The following SLC25A12 variants were observed in gnomAD, a reference collection of about 807,000 sequenced individuals.
The protein encoded by SLC25A12 is solute carrier family 25 member 12.
SLC25A12 carries 32 observed loss-of-function variants against 83.3 expected under a neutral mutation model. The observed-to-expected ratio is 0.38, with a 90% CI of 0.29 to 0.52. The LOEUF is 0.52. Among genes scored for constraint, SLC25A12 ranks in the 20% least tolerant of loss-of-function variants. The pLI is 0.84. For missense variants in SLC25A12, 611 were observed against 835.6 expected (o/e 0.73, Z 3.31); for synonymous variants, 267 against 291.1 (o/e 0.92, Z 0.84).
intron 3 of SLC25A12, among the ~76,000 whole-genome samples, chr2:171,861,375 G>A (rs1422373841): frequency 1.3e-5 from 2 of 151,856 alleles, no homozygotes; most frequent in Non-Finnish European, 2.9e-5. Flanking sequence ...AGTCTGCAAT[G>A]CTAACATAAA....
At chr2:171,820,860 A>AC (rs2105872339) in intron 9 of SLC25A12, among the ~76,000 whole-genome samples, 1 of 151,974 alleles carries the variant, frequency 6.6e-6, no homozygotes, top group African/African-American at 2.4e-5. Context: ...TCTTTCTGCA[A>AC]CCCACCTCCT....
intron 2 of SLC25A12, among the ~76,000 whole-genome samples, chr2:171,873,945 G>A (rs899262497): frequency 6.6e-6 from 1 of 152,112 alleles, no homozygotes; most frequent in Non-Finnish European, 1.5e-5. Flanking sequence ...TCGAATCCTG[G>A]CCAGGCGCGG....
intron 15 of SLC25A12, chr2:171,788,446 C>T (rs1690530883): frequency 5.9e-6 from 1 of 170,542 alleles, no homozygotes. Context: ...GTTTGAAGGG[C>T]TACCTTGAGA....
At chr2:171,812,710 G>C (rs1683971717) in intron 11 of SLC25A12, among the ~76,000 whole-genome samples, 1 of 151,968 alleles carries the variant, frequency 6.6e-6, no homozygotes, top group Non-Finnish European at 1.5e-5. Context: ...AACATTCCCT[G>C]CGAAAGAAAA....
intron 2 of SLC25A12, among the ~76,000 whole-genome samples, chr2:171,869,369 G>A (rs752712852): frequency 1.7e-4 from 26 of 152,070 alleles, no homozygotes; most frequent in Non-Finnish European, 2.6e-4. Flanking sequence ...TACATATATT[G>A]GTAAGATAAA....
chr2:171,876,754 G>A (rs1685584041), intron 2 of SLC25A12, among the ~76,000 whole-genome samples: 1 of 152,122 alleles, frequency 6.6e-6, no homozygotes, highest in African/African-American at 2.4e-5. Context: ...TTGTTCCTGT[G>A]TTTTCAAAGG....
chr2:171,810,098 T>C, intron 12 of SLC25A12, 126 bp downstream of exon 12: 1 of 790,042 alleles, frequency 1.3e-6, no homozygotes, highest in Non-Finnish European at 2.3e-6. Context: ...TGGTCTCAAG[T>C]GATCCTCCCA....
At chr2:171,792,787 T>C (rs1412713810) in intron 14 of SLC25A12, among the ~76,000 whole-genome samples, 1 of 152,166 alleles carries the variant, frequency 6.6e-6, no homozygotes, top group Non-Finnish European at 1.5e-5. Flanking sequence ...ACAGGCATCA[T>C]TGTTTGCTGG....
chr2:171,894,065 C>T (rs1685999407), intron 1 of SLC25A12, 138 bp downstream of exon 1: 1 of 1,223,954 alleles, frequency 8.2e-7, no homozygotes. Flanking sequence ...CACAGCTCTC[C>T]CCGCAGCAAG....
intron 2 of SLC25A12, among the ~76,000 whole-genome samples, chr2:171,889,532 GAA>G (rs1218942537): frequency 3.3e-5 from 5 of 152,258 alleles, no homozygotes; most frequent in Admixed American, 3.3e-4. Context: ...AAAGCTGCCA[GAA>G]TTCACCACTT....
chr2:171,848,543 G>A (rs960306480), intron 4 of SLC25A12, among the ~76,000 whole-genome samples: 1 of 152,212 alleles, frequency 6.6e-6, no homozygotes, highest in African/African-American at 2.4e-5. Flanking sequence ...ACAATGGTGA[G>A]ACTTGTAGAA....
intron 3 of SLC25A12, among the ~76,000 whole-genome samples, chr2:171,863,842 G>T (rs139508069): frequency 1.1e-3 from 175 of 152,294 alleles, no homozygotes; most frequent in Middle Eastern, 3.4e-3. Flanking sequence ...GATCCTATGA[G>T]TGAATGATCC....
intron 5 of SLC25A12, among the ~76,000 whole-genome samples, chr2:171,841,590 C>T (rs753718763): frequency 1.1e-4 from 16 of 152,118 alleles, no homozygotes; most frequent in Admixed American, 5.2e-4. Flanking sequence ...CCAGGCTGGT[C>T]TCGAACTCCT....
chr2:171,868,829 A>G lies in SLC25A12; in HGVS notation c.67-6T>C. On this transcript the variant is annotated splice_polypyrimidine_tract_variant and splice_region_variant and intron_variant, in intron 2 of 17. Transcript: ENST00000422440. ...TCAACCTCAGTACTGGCATACTAAA[A>G]AAATAAATAAATAATGCATACTGAA... 10 of 1,605,430 alleles carry G rather than the reference A, an allele frequency of 6.2e-6. No individual in the cohort carries two copies. The highest frequency in any genetic ancestry group is 8.5e-6 in the Non-Finnish European group (10 of 1,172,210).
rs1255679702 is a variant in SLC25A12 at position 171,785,159 on chromosome 2, G to C, written c.*115C>G. 1.1e-6 allele frequency: 1 copy of C among 910,638 alleles called. No homozygotes were observed. Among genetic ancestry groups the C allele is most frequent in the Non-Finnish European group, 1.8e-6 (1 of 558,226 alleles). 56.4% of individuals were successfully genotyped at this position (910,638 alleles called of 1,614,324 possible). ...ATATGTATATGTCATACAGAAAGAA[G>C]AGTTTGACTCCTCAGCTCAGTCAGT... is the stretch of plus-strand genomic sequence containing the variant. On this transcript the variant is annotated 3_prime_UTR_variant, in exon 18 of 18. Coordinates refer to ENST00000422440, the MANE Select transcript of SLC25A12 (RefSeq NM_003705.5).
intron 8 of SLC25A12, among the ~76,000 whole-genome samples, chr2:171,833,337 T>C (rs1483100784): frequency 6.6e-6 from 1 of 152,054 alleles, no homozygotes; most frequent in Non-Finnish European, 1.5e-5. Context: ...CAGGGGGAAA[T>C]GAGGCAGAAG....
intron 3 of SLC25A12, among the ~76,000 whole-genome samples, chr2:171,860,675 A>G (rs1685136326): frequency 6.6e-6 from 1 of 152,166 alleles, no homozygotes; most frequent in Admixed American, 6.6e-5. Flanking sequence ...AAAATATTTA[A>G]GAACTATATC....
chr2:171,844,256 T>C (rs1337978997), intron 5 of SLC25A12, 113 bp downstream of exon 5: 8 of 1,123,432 alleles, frequency 7.1e-6, no homozygotes, highest in South Asian at 6.9e-5. Flanking sequence ...ATTTAAAAAA[T>C]AGGAGTGAAA....
chr2:171,867,333 C>G (rs1327568960), intron 3 of SLC25A12, among the ~76,000 whole-genome samples: 21 of 151,776 alleles, frequency 1.4e-4, no homozygotes, highest in Non-Finnish European at 2.8e-4. Context: ...TGCACTCCAG[C>G]CTGGGCACCA....
Sources: allele counts gnomAD v4.1 joint callset (sites outside exome capture counted in the v4.1 genomes callset), GRCh38; gene constraint gnomAD v4.1.1; transcripts MANE v1.5; gene names NCBI Gene and HGNC (gene_info 2026-07-23, HGNC 2026-07-21).